The following MCTP1 variants were observed in gnomAD, a reference collection of about 807,000 sequenced individuals.
MCTP1 encodes multiple C2 and transmembrane domain-containing protein 1.
In MCTP1, 69 loss-of-function variants were observed where a neutral mutation model predicts 120.6. That is an observed-to-expected ratio of 0.57 (90% CI 0.47 to 0.70). The LOEUF (loss-of-function observed/expected upper bound fraction) is 0.70. MCTP1 is among the 30% of genes least tolerant of loss of function. The pLI, the probability that MCTP1 is intolerant of heterozygous loss-of-function variation, is 0.00. For synonymous variants in MCTP1, 529 were observed against 493.1 expected (o/e 1.07, Z -0.96); for missense variants, 1,203 against 1,248.8 (o/e 0.96, Z 0.55).
intron 1 of MCTP1, among the ~76,000 whole-genome samples, chr5:95,050,816 A>G (rs1168999112): frequency 6.6e-6 from 1 of 152,194 alleles, no homozygotes; most frequent in Non-Finnish European, 1.5e-5. Context: ...GTTGTTGTAT[A>G]TGTAATTAGT....
At chr5:95,158,364 C>A (rs559807672) in intron 1 of MCTP1, among the ~76,000 whole-genome samples, 6 of 152,164 alleles carry the variant, frequency 3.9e-5, no homozygotes, top group Non-Finnish European at 8.8e-5. Flanking sequence ...ATTATACAAT[C>A]CTCTGGGTAC....
chr5:94,815,479 T>G (rs1647029609), intron 17 of MCTP1, among the ~76,000 whole-genome samples: 2 of 152,250 alleles, frequency 1.3e-5, no homozygotes, highest in South Asian at 2.1e-4. Flanking sequence ...GGGAGACAGG[T>G]GTGGCTTTGT....
chr5:95,112,158 C>T (rs779433326), intron 1 of MCTP1, among the ~76,000 whole-genome samples: 23 of 152,290 alleles, frequency 1.5e-4, no homozygotes, highest in South Asian at 8.3e-4. Context: ...GATACCACTT[C>T]TGTACCTTGT....
chr5:94,862,853 T>C (rs902921851), intron 17 of MCTP1, among the ~76,000 whole-genome samples: 9 of 151,866 alleles, frequency 5.9e-5, no homozygotes, highest in African/African-American at 2.2e-4. Flanking sequence ...TGTACTAGCA[T>C]GTCCAGATGA....
In MCTP1 at chr5:94,976,567, C is replaced by A. The variant is rs796977792; in HGVS notation, c.839-23206G>T. Among the ~76,000 whole-genome samples, 7 of 152,210 alleles carry A rather than the reference C, an allele frequency of 4.6e-5. No homozygotes were observed. The South Asian group carries it at 8.3e-4, about 18-fold the overall frequency. On this transcript the variant is annotated intron_variant, in intron 2 of 22. Transcript: ENST00000515393. ...TTGATTGATTTCAATTTCTTCAGAG[C>A]AACCAACTAGAAACCAGACCAGAAT...
intron 18 of MCTP1, chr5:94,789,411 C>G (rs1778415609): frequency 6.6e-6 from 1 of 152,184 alleles, no homozygotes; most frequent in African/African-American, 2.4e-5. Context: ...TCTATTTGAA[C>G]TGACATGTCA....
intron 2 of MCTP1, among the ~76,000 whole-genome samples, chr5:95,015,596 T>C (rs191442181): frequency 0.012 from 1,846 of 152,274 alleles, 14 homozygotes; most frequent in Middle Eastern, 0.027. Context: ...CAAATTCTTA[T>C]GTATTTCTTT....
intron 1 of MCTP1, among the ~76,000 whole-genome samples, chr5:95,272,019 T>C (rs538732978): frequency 5.3e-4 from 80 of 152,314 alleles, no homozygotes; most frequent in Admixed American, 1.6e-3. Context: ...TACTATTACT[T>C]TATTACTATT....
At chr5:94,787,616 T>C (rs1778002802) in intron 18 of MCTP1, among the ~76,000 whole-genome samples, 1 of 149,308 alleles carries the variant, frequency 6.7e-6, no homozygotes, top group Admixed American at 6.6e-5. Flanking sequence ...CTTACTGTTT[T>C]TTTTTGTTTT....
At position 94,831,091 on chromosome 5, in the gene MCTP1, G is replaced by A. The variant is rs573251803; in HGVS notation, c.2437-31959C>T. 2.8e-4 allele frequency among the ~76,000 whole-genome samples: 43 copies of A among 152,296 alleles called. 2 individuals carry two copies. Among genetic ancestry groups the A allele is most frequent in the African/African-American group, 9.9e-4 (41 of 41,556 alleles). ...TATCAGAAGACATGATGCTATAGAC[G>A]TCTTTAAAGTGTAGGCTACTGAAGT... On this transcript the variant is annotated intron_variant, in intron 17 of 22. Transcript: ENST00000515393.
At chr5:94,801,205 G>A (rs1781171136) in intron 17 of MCTP1, among the ~76,000 whole-genome samples, 1 of 152,128 alleles carries the variant, frequency 6.6e-6, no homozygotes, top group South Asian at 2.1e-4. Flanking sequence ...TTCATTCACT[G>A]TTTTATCCGT....
At chr5:95,267,807 TC>T (rs1759026499) in intron 1 of MCTP1, among the ~76,000 whole-genome samples, 1 of 152,178 alleles carries the variant, frequency 6.6e-6, no homozygotes, top group South Asian at 2.1e-4. Flanking sequence ...CATAATCTGG[TC>T]CCTGCCACTA....
chr5:95,189,171 T>C (rs1301766149), intron 1 of MCTP1, among the ~76,000 whole-genome samples: 2 of 152,158 alleles, frequency 1.3e-5, no homozygotes, highest in Admixed American at 6.5e-5. Context: ...TGCAACACCA[T>C]AGTTAATTTC....
chr5:95,086,738 C>T (rs1374420714), intron 1 of MCTP1, among the ~76,000 whole-genome samples: 2 of 152,100 alleles, frequency 1.3e-5, no homozygotes, highest in Admixed American at 6.5e-5. Context: ...TCATTTTTTA[C>T]AATCAATGAT....
intron 18 of MCTP1, among the ~76,000 whole-genome samples, chr5:94,790,408 C>T (rs112335211): frequency 1.9e-3 from 290 of 152,282 alleles, no homozygotes; most frequent in African/African-American, 6.6e-3. Flanking sequence ...GATGTTATCC[C>T]GTGGCTGGTT....
intron 19 of MCTP1, among the ~76,000 whole-genome samples, chr5:94,764,523 T>G (rs750055401): frequency 2.6e-5 from 4 of 151,790 alleles, no homozygotes; most frequent in Non-Finnish European, 4.4e-5. Flanking sequence ...AGACTGAAAG[T>G]GAAGGGATGA....
intron 2 of MCTP1, among the ~76,000 whole-genome samples, chr5:94,987,725 T>C (rs773582906): frequency 7.9e-5 from 12 of 152,308 alleles, no homozygotes; most frequent in Non-Finnish European, 1.2e-4. Flanking sequence ...TGTATGTACA[T>C]AGAAAATAAT....
At chr5:95,227,163 A>G (rs1227468959) in intron 1 of MCTP1, among the ~76,000 whole-genome samples, 1 of 152,222 alleles carries the variant, frequency 6.6e-6, no homozygotes, top group African/African-American at 2.4e-5. Context: ...TACAACTGGT[A>G]AATTCAAGCT....
intron 19 of MCTP1, among the ~76,000 whole-genome samples, chr5:94,728,885 A>C (rs972567825): frequency 6.6e-6 from 1 of 152,040 alleles, no homozygotes; most frequent in African/African-American, 2.4e-5. Flanking sequence ...CATTTCTTTT[A>C]TTCATTTACT....
Sources: gnomAD v4.1 joint callset for allele counts (sites outside exome capture counted in the v4.1 genomes callset) on GRCh38, gnomAD v4.1.1 for gene constraint, MANE v1.5 for transcripts, NCBI Gene and HGNC (gene_info 2026-07-23, HGNC 2026-07-21) for gene names.